PFKP: variants seen among roughly 807,000 people sequenced by gnomAD.
PFKP encodes phosphofructokinase, platelet.
Under a neutral mutation model 94.3 loss-of-function variants are expected in PFKP, and 101 were observed. That is an observed-to-expected ratio of 1.07 (90% CI 0.91 to 1.26). PFKP has a LOEUF of 1.26. PFKP is among the 50% of genes most tolerant of loss of function. The pLI is 0.00. For missense variants in PFKP, 1,145 were observed against 1,103.3 expected, an observed-to-expected ratio of 1.04 and a Z score of -0.53; for synonymous variants, 573 against 432.6, an observed-to-expected ratio of 1.32 and a Z score of -4.03.
At chr10:3,133,013 C>A (rs550421769) in intron 18 of PFKP, among the ~76,000 whole-genome samples, 190 bp from the exon 19 acceptor site, 1 of 152,344 alleles carries the variant, frequency 6.6e-6, no homozygotes, top group Admixed American at 6.5e-5. Flanking sequence ...TTGTGGGCCT[C>A]AGTTGACCAC....
At chr10:3,070,763 G>C (rs983062574) in intron 1 of PFKP, among the ~76,000 whole-genome samples, 27 of 152,096 alleles carry the variant, frequency 1.8e-4, no homozygotes, top group Non-Finnish European at 3.7e-4. Context: ...ACTTATGTCT[G>C]GCTGTGTCAC....
chr10:3,116,267 A>G (rs1450397678), intron 13 of PFKP, among the ~76,000 whole-genome samples: 1 of 152,144 alleles, frequency 6.6e-6, no homozygotes, highest in Non-Finnish European at 1.5e-5. Context: ...GAACTTACCC[A>G]GAATCTCGTG....
chr10:3,096,079 C>G (rs941585074), intron 2 of PFKP, among the ~76,000 whole-genome samples: 1 of 152,200 alleles, frequency 6.6e-6, no homozygotes, highest in Non-Finnish European at 1.5e-5. Context: ...ACTCCAGAAG[C>G]AAGAGGATTC....
At chr10:3,092,975 G>A (rs557032857) in intron 2 of PFKP, among the ~76,000 whole-genome samples, 8 of 149,972 alleles carry the variant, frequency 5.3e-5, no homozygotes, top group African/African-American at 1.5e-4. Context: ...GTGGATGGGG[G>A]TAGGGGGGTG....
chr10:3,135,653 G>T, intron 20 of PFKP, 83 bp from the exon 21 acceptor site: 1 of 832,884 alleles, frequency 1.2e-6, no homozygotes, highest in Non-Finnish European at 2.0e-6. Flanking sequence ...AGGAATCTCA[G>T]TTCTCATCTC....
intron 1 of PFKP, among the ~76,000 whole-genome samples, chr10:3,079,883 GACCTTCC>G (rs1169410191): frequency 1.3e-5 from 2 of 152,132 alleles, no homozygotes; most frequent in Non-Finnish European, 2.9e-5. Flanking sequence ...GATGAGCGAG[GACCTTCC>G]ACAGGTGTGA....
At position 3,134,219 on chromosome 10, in the gene PFKP, T is replaced by C. The variant is rs1456147397; in HGVS notation, c.2023-264T>C. Among the ~76,000 whole-genome samples, 3 of 152,242 alleles carry C rather than the reference T, an allele frequency of 2.0e-5. No individual in the cohort carries two copies. In the East Asian group the frequency reaches 5.8e-4, roughly 29 times the overall value. ...CAGCTCAGATGAGTTCATGAAATCCTGATTTAAGATTTTAAAATAATGAAG... is the reference window on the plus strand; with the variant it reads ...CAGCTCAGATGAGTTCATGAAATCCCGATTTAAGATTTTAAAATAATGAAG... On this transcript the variant is annotated intron_variant, in intron 19 of 21. Transcript: ENST00000381125.
intron 7 of PFKP, among the ~76,000 whole-genome samples, chr10:3,106,264 G>GAACCCCTGTCAATCACACC (rs1564308664): frequency 1.6e-4 from 17 of 104,598 alleles, no homozygotes; most frequent in African/African-American, 6.4e-4. Flanking sequence ...TTCCCCATGG[G>GAACCCCTGTCAATCACACC]AGGCAGAAAG....
chr10:3,079,527 C>T (rs555942741), intron 1 of PFKP, among the ~76,000 whole-genome samples: 1 of 152,152 alleles, frequency 6.6e-6, no homozygotes, highest in East Asian at 1.9e-4. Context: ...AGCCACCGTG[C>T]CCAGCCTCAT....
chr10:3,069,434 C>T lies in PFKP; in HGVS notation c.112+1727C>T, dbSNP rs751288718. ...GGGGTCGGGATAGGACCCAGAGTGG[C>T]TTCTCAGTCAAAGGCCTTCAGAAGC... is the stretch of plus-strand genomic sequence containing the variant. On this transcript the variant is annotated intron_variant, in intron 1 of 21. Transcript: ENST00000381125. 25 of 1,543,708 alleles carry T rather than the reference C, an allele frequency of 1.6e-5. No homozygotes were observed. The South Asian group carries it at 2.9e-4, about 18-fold the overall frequency.
chr10:3,099,503 A>AATGTTTTTTT, intron 3 of PFKP, 151 bp downstream of exon 3: 1 of 665,382 alleles, frequency 1.5e-6, no homozygotes, highest in Non-Finnish European at 2.7e-6. Flanking sequence ...TTGTGGTTTG[A>AATGTTTTTTT]TTTTTAGAAA....
At chr10:3,077,054 C>A (rs1050038136) in intron 1 of PFKP, among the ~76,000 whole-genome samples, 2 of 151,972 alleles carry the variant, frequency 1.3e-5, no homozygotes, top group Non-Finnish European at 2.9e-5. Context: ...CGGGAGGAGT[C>A]GGCAAACTGA....
intron 14 of PFKP, among the ~76,000 whole-genome samples, chr10:3,117,757 G>C (rs530421002): frequency 6.6e-6 from 1 of 152,162 alleles, no homozygotes; most frequent in Non-Finnish European, 1.5e-5. Context: ...CTGACACCCC[G>C]GGCACAGGTG....
chr10:3,131,620 CTAATTTTTTGTATTTTTAG>C (rs1190443266), intron 17 of PFKP, among the ~76,000 whole-genome samples: 2 of 152,102 alleles, frequency 1.3e-5, no homozygotes, highest in African/African-American at 4.8e-5. Context: ...CCACGCCTGG[CTAATTTTTTGTATTTTTAG>C]TAGAGACGGG....
chr10:3,120,669 T>A (rs1426949914), intron 16 of PFKP, among the ~76,000 whole-genome samples: 1 of 152,182 alleles, frequency 6.6e-6, no homozygotes, highest in Non-Finnish European at 1.5e-5. Context: ...TTCTTCTTTT[T>A]TTCTTTGTGG....
intron 2 of PFKP, among the ~76,000 whole-genome samples, chr10:3,091,749 G>A (rs1375676503): frequency 6.6e-6 from 1 of 152,170 alleles, no homozygotes; most frequent in Non-Finnish European, 1.5e-5. Context: ...TTGCGCCACT[G>A]CATTCCAGCC....
chr10:3,131,624 T>C (rs1443263643), intron 17 of PFKP, among the ~76,000 whole-genome samples: 2 of 151,808 alleles, frequency 1.3e-5, no homozygotes, highest in Non-Finnish European at 2.9e-5. Context: ...GCCTGGCTAA[T>C]TTTTTGTATT....
Position 3,136,636 on chromosome 10 carries a change from T to G in PFKP, c.*57T>G. 6.4e-7 allele frequency: 1 copy of G among 1,570,822 alleles called. No individual in the cohort carries two copies. On this transcript the variant is annotated 3_prime_UTR_variant, in exon 22 of 22. Transcript: ENST00000381125. The stretch of plus-strand genomic sequence containing the variant: ...CGTGGACTGTCTGTTTTTGTAACAC[T>G]TAAGTTATTTTATCAGCACTTTATG...
chr10:3,126,012 G>C (rs1837908311), intron 16 of PFKP, among the ~76,000 whole-genome samples: 1 of 152,222 alleles, frequency 6.6e-6, no homozygotes, highest in Non-Finnish European at 1.5e-5. Flanking sequence ...GGGTAGGCCT[G>C]CATCGCGTGC....
Sources: gnomAD v4.1 joint callset for allele counts (sites outside exome capture counted in the v4.1 genomes callset) on GRCh38, gnomAD v4.1.1 for gene constraint, MANE v1.5 for transcripts, NCBI Gene and HGNC (gene_info 2026-07-23, HGNC 2026-07-21) for gene names.